HRH1: variants seen among roughly 807,000 people sequenced by gnomAD.
HRH1 encodes histamine H1 receptor.
HRH1 carries 6 observed loss-of-function variants against 10.3 expected under a neutral mutation model. The observed-to-expected ratio is 0.58, with a 90% CI of 0.32 to 1.15. HRH1 has a LOEUF of 1.15. Ranked by LOEUF, HRH1 falls within the 50% of genes most tolerant of loss-of-function variation. The probability of loss-of-function intolerance (pLI) is 0.05; values close to 1 mark genes in which losing one functional copy is unlikely to be tolerated. For synonymous variants in HRH1, 242 were observed against 236.7 expected (o/e 1.02, Z -0.21); for missense variants, 514 against 615.3 (o/e 0.84, Z 1.74).
At chr3:11,160,768 A>G (rs904449396) in intron 1 of HRH1, among the ~76,000 whole-genome samples, 1 of 152,182 alleles carries the variant, frequency 6.6e-6, no homozygotes, top group Non-Finnish European at 1.5e-5. Context: ...TTGACAGTAG[A>G]TCTCTTTCTG....
At chr3:11,148,354 A>G (rs1372826833) in intron 1 of HRH1, among the ~76,000 whole-genome samples, 1 of 152,194 alleles carries the variant, frequency 6.6e-6, no homozygotes, top group East Asian at 1.9e-4. Flanking sequence ...TTTAGGATTC[A>G]TATAAGTTAG....
chr3:11,170,598 G>A (rs1191721896), intron 1 of HRH1, among the ~76,000 whole-genome samples: 1 of 152,240 alleles, frequency 6.6e-6, no homozygotes, highest in African/African-American at 2.4e-5. Flanking sequence ...ACGGAGAGGG[G>A]AAGGGACATG....
chr3:11,139,791 T>C (rs1299779034), intron 1 of HRH1, among the ~76,000 whole-genome samples: 2 of 152,146 alleles, frequency 1.3e-5, no homozygotes, highest in Non-Finnish European at 2.9e-5. Flanking sequence ...ACTCCATTCA[T>C]ATGAAAGTTC....
At position 11,258,988 on chromosome 3, in the gene HRH1, T is replaced by C; in HGVS notation, c.-35-15T>C. 2.6e-6 allele frequency: 4 copies of C among 1,529,048 alleles called. No homozygotes were observed. Among genetic ancestry groups the C allele is most frequent in the Non-Finnish European group, 2.6e-6 (3 of 1,139,656 alleles). 94.7% of individuals were successfully genotyped at this position (1,529,048 alleles called of 1,614,324 possible). Reference sequence around the variant, plus strand: ...CCCAAGTCTCTGACCTTACTTTTTCTCTCTTTTCTCCCAGGGAGTGAGCCA... The same window carrying C: ...CCCAAGTCTCTGACCTTACTTTTTCCCTCTTTTCTCCCAGGGAGTGAGCCA... On this transcript the variant is annotated splice_polypyrimidine_tract_variant and intron_variant, in intron 1 of 1. Coordinates refer to ENST00000431010, the MANE Select transcript of HRH1 (RefSeq NM_001098212.2).
intron 1 of HRH1, among the ~76,000 whole-genome samples, chr3:11,222,636 A>C (rs1040873032): frequency 6.6e-6 from 1 of 152,074 alleles, no homozygotes; most frequent in Non-Finnish European, 1.5e-5. Flanking sequence ...GCTGACGGGA[A>C]AGTACAGCGG....
At chr3:11,180,141 G>T (rs560038411) in intron 1 of HRH1, among the ~76,000 whole-genome samples, 8 of 152,102 alleles carry the variant, frequency 5.3e-5, no homozygotes, top group South Asian at 2.1e-4. Flanking sequence ...GAATTTGGTG[G>T]TTTTTAGTAT....
intron 1 of HRH1, among the ~76,000 whole-genome samples, chr3:11,182,013 T>C (rs990815765): frequency 1.3e-5 from 2 of 151,872 alleles, no homozygotes; most frequent in African/African-American, 4.8e-5. Context: ...GGCGGAGTCT[T>C]GCTCTGTCAC....
At chr3:11,228,875 T>G (rs1338175268) in intron 1 of HRH1, among the ~76,000 whole-genome samples, 1 of 149,342 alleles carries the variant, frequency 6.7e-6, no homozygotes, top group East Asian at 2.0e-4. Context: ...GATCTTGTCA[T>G]TGCACTCCAT....
intron 1 of HRH1, among the ~76,000 whole-genome samples, chr3:11,190,068 G>T (rs1282452222): frequency 6.6e-6 from 1 of 152,172 alleles, no homozygotes; most frequent in African/African-American, 2.4e-5. Flanking sequence ...TTTCTGGTGT[G>T]TTCTAGGGTG....
chr3:11,144,475 A>ATACGTATATAGG (rs1559249806), intron 1 of HRH1, among the ~76,000 whole-genome samples: 2 of 59,136 alleles, frequency 3.4e-5, no homozygotes, highest in Non-Finnish European at 7.6e-5. Context: ...ACATATAGAC[A>ATACGTATATAGG]TATATATACA....
chr3:11,175,410 A>T (rs903880963), intron 1 of HRH1, among the ~76,000 whole-genome samples: 10 of 152,132 alleles, frequency 6.6e-5, no homozygotes, highest in African/African-American at 2.2e-4. Flanking sequence ...GGGAAATGGG[A>T]TGGGTTCCCA....
At chr3:11,246,748 T>A (rs1377220816) in intron 1 of HRH1, among the ~76,000 whole-genome samples, 3 of 152,120 alleles carry the variant, frequency 2.0e-5, no homozygotes, top group Non-Finnish European at 1.5e-5. Flanking sequence ...TTTTTTTAAA[T>A]AAAAACAAAT....
intron 1 of HRH1, among the ~76,000 whole-genome samples, chr3:11,189,692 G>A (rs1198838484): frequency 6.6e-6 from 1 of 152,086 alleles, no homozygotes; most frequent in Non-Finnish European, 1.5e-5. Flanking sequence ...AACACTTTGA[G>A]AGGCCAAAGG....
chr3:11,162,348 C>T (rs1224618576), intron 1 of HRH1, among the ~76,000 whole-genome samples: 1 of 151,830 alleles, frequency 6.6e-6, no homozygotes, highest in South Asian at 2.1e-4. Flanking sequence ...ATTTTCCTCT[C>T]CTTGGTGGGG....
upstream of HRH1, among the ~76,000 whole-genome samples, chr3:11,151,501 G>A (rs555025629): frequency 3.4e-4 from 46 of 134,934 alleles, no homozygotes; most frequent in Non-Finnish European, 3.3e-4. Context: ...CCTTTTTTGG[G>A]GGGGCGGTGG....
chr3:11,182,665 G>T (rs1452310188), intron 1 of HRH1, among the ~76,000 whole-genome samples: 2 of 152,198 alleles, frequency 1.3e-5, no homozygotes, highest in Non-Finnish European at 2.9e-5. Context: ...GGAGGGGAGG[G>T]AGGGTGCTGC....
intron 1 of HRH1, among the ~76,000 whole-genome samples, chr3:11,230,032 C>A (rs1001898672): frequency 4.6e-5 from 7 of 151,936 alleles, no homozygotes; most frequent in Non-Finnish European, 8.8e-5. Flanking sequence ...TTGCAGTATC[C>A]CAGGTGAGAG....
chr3:11,208,133 TAGA>T (rs1938202909), intron 1 of HRH1, among the ~76,000 whole-genome samples: 1 of 151,208 alleles, frequency 6.6e-6, no homozygotes, highest in Admixed American at 6.7e-5. Flanking sequence ...AAAGCAATTT[TAGA>T]TTGACTCCAG....
At chr3:11,186,829 A>G (rs1251698334) in intron 1 of HRH1, among the ~76,000 whole-genome samples, 1 of 152,150 alleles carries the variant, frequency 6.6e-6, no homozygotes, top group Non-Finnish European at 1.5e-5. Context: ...TCAGAAACAG[A>G]CCCAAATGCA....
Sources: allele counts gnomAD v4.1 joint callset (sites outside exome capture counted in the v4.1 genomes callset), GRCh38; gene constraint gnomAD v4.1.1; transcripts MANE v1.5; gene names NCBI Gene and HGNC (gene_info 2026-07-23, HGNC 2026-07-21).